Variants in PRKAR2B observed in about 807,000 individuals in gnomAD.
The protein encoded by PRKAR2B is protein kinase cAMP-dependent type II regulatory subunit beta.
A neutral mutation model predicts 49.9 loss-of-function variants in PRKAR2B; 14 were observed. The ratio of observed to expected loss-of-function variants is 0.28; its 90% confidence interval spans 0.19 to 0.44. The LOEUF (loss-of-function observed/expected upper bound fraction) is 0.44, where lower values mean the gene tolerates loss of function less well. Among genes scored for constraint, PRKAR2B ranks in the 20% least tolerant of loss-of-function variants. The pLI is 1.00. For missense variants in PRKAR2B, 393 were observed against 537.9 expected (o/e 0.73, Z 2.67); for synonymous variants, 196 against 197.7 (o/e 0.99, Z 0.07).
In PRKAR2B at chr7:107,044,966, T is replaced by C; in HGVS notation, c.59T>C (p.Val20Ala). ...CTGCTGCAGGGCTTCACGGTGGAGG[T>C]GCTGAGGCACCAGCCCGCGGACCTG... ...TELLQGFTVE[V>A]LRHQPADLLE... The change falls in exon 1 of 11, where the codon GTG becomes GCG. Residue 20 changes from valine to alanine, a missense_variant. Transcript: ENST00000265717. 6.3e-7 allele frequency: 1 copy of C among 1,588,510 alleles called. No homozygotes were observed. The highest frequency in any genetic ancestry group is 2.3e-5 in the East Asian group (1 of 43,536).
intron 2 of PRKAR2B, chr7:107,077,688 G>C (rs1226357810): frequency 6.6e-6 from 1 of 152,178 alleles, no homozygotes; most frequent in African/African-American, 2.4e-5. Context: ...GCTTCAAAAT[G>C]TTAACATCTG....
chr7:107,082,952 T>C (rs748689521), intron 2 of PRKAR2B, among the ~76,000 whole-genome samples: 5 of 152,150 alleles, frequency 3.3e-5, no homozygotes, highest in Non-Finnish European at 5.9e-5. Context: ...TTGGTGAGAC[T>C]GAAGTGTCTT....
chr7:107,092,889 G>A (rs1277117918), intron 2 of PRKAR2B, among the ~76,000 whole-genome samples: 3 of 152,062 alleles, frequency 2.0e-5, no homozygotes, highest in African/African-American at 7.2e-5. Context: ...ATTCCCTTCT[G>A]TTCCCAGCCC....
At chr7:107,103,743 G>A (rs1040162163) in intron 2 of PRKAR2B, among the ~76,000 whole-genome samples, 3 of 152,210 alleles carry the variant, frequency 2.0e-5, no homozygotes, top group Non-Finnish European at 2.9e-5. Flanking sequence ...AAGCATCCTG[G>A]CCTCCCAGCT....
chr7:107,110,405 G>A (rs1203396766), intron 2 of PRKAR2B, among the ~76,000 whole-genome samples: 3 of 152,018 alleles, frequency 2.0e-5, no homozygotes, highest in African/African-American at 7.2e-5. Context: ...GGACTGGAGA[G>A]GCACGCGAGT....
intron 8 of PRKAR2B, among the ~76,000 whole-genome samples, chr7:107,156,352 C>T (rs532724802): frequency 2.0e-5 from 3 of 152,170 alleles, no homozygotes; most frequent in South Asian, 4.2e-4. Flanking sequence ...GTGGGAGAGT[C>T]GCCTGAATCC....
intron 2 of PRKAR2B, among the ~76,000 whole-genome samples, chr7:107,090,001 T>C (rs1463282047): frequency 1.3e-5 from 2 of 152,208 alleles, no homozygotes; most frequent in African/African-American, 4.8e-5. Flanking sequence ...TGGTAACTGG[T>C]TGGATTGTCT....
chr7:107,047,534 G>GA (rs539277175), intron 1 of PRKAR2B, among the ~76,000 whole-genome samples: 3,257 of 133,606 alleles, frequency 0.024, 51 homozygotes, highest in Non-Finnish European at 0.036. Context: ...CTGGTTAGAA[G>GA]AAAAAAAAAA....
At chr7:107,057,088 C>G (rs527849374) in intron 1 of PRKAR2B, among the ~76,000 whole-genome samples, 1 of 152,226 alleles carries the variant, frequency 6.6e-6, no homozygotes, top group Non-Finnish European at 1.5e-5. Context: ...TTTGCGTTTC[C>G]TCATCATTCC....
At chr7:107,111,464 G>C (rs969576765) in intron 2 of PRKAR2B, among the ~76,000 whole-genome samples, 6 of 152,160 alleles carry the variant, frequency 3.9e-5, no homozygotes, top group South Asian at 2.1e-4. Flanking sequence ...CCCAGTGCCA[G>C]CTTCTGGTCT....
chr7:107,137,478 CTG>C (rs558147747), intron 4 of PRKAR2B, among the ~76,000 whole-genome samples: 1 of 152,164 alleles, frequency 6.6e-6, no homozygotes, highest in Non-Finnish European at 1.5e-5. Flanking sequence ...TGTTGATAAA[CTG>C]TTAGTTTGTT....
chr7:107,074,324 C>T (rs910173125), intron 2 of PRKAR2B, among the ~76,000 whole-genome samples: 5 of 151,644 alleles, frequency 3.3e-5, no homozygotes, highest in African/African-American at 1.2e-4. Flanking sequence ...GGCTGGTCTC[C>T]AACTCCTGAC....
intron 2 of PRKAR2B, among the ~76,000 whole-genome samples, chr7:107,098,719 T>TA (rs1434985201): frequency 6.6e-6 from 1 of 152,182 alleles, no homozygotes; most frequent in African/African-American, 2.4e-5. Flanking sequence ...TTCTGTTTGT[T>TA]AGTTTTCCTT....
chr7:107,068,492 G>A (rs1389407320), intron 1 of PRKAR2B: 1 of 152,014 alleles, frequency 6.6e-6, no homozygotes, highest in Non-Finnish European at 1.5e-5. Context: ...AAACTGATGG[G>A]CCTTTGTGTG....
intron 1 of PRKAR2B, among the ~76,000 whole-genome samples, chr7:107,051,654 TAAG>T (rs1398291512): frequency 2.0e-5 from 3 of 152,010 alleles, no homozygotes; most frequent in Non-Finnish European, 2.9e-5. Flanking sequence ...AACAATCAAA[TAAG>T]AAAATCAGAA....
intron 2 of PRKAR2B, among the ~76,000 whole-genome samples, chr7:107,096,340 G>A (rs186788036): frequency 1.4e-3 from 219 of 152,074 alleles, no homozygotes; most frequent in Non-Finnish European, 2.3e-3. Flanking sequence ...CTGTGGGATC[G>A]GTGGTGATAT....
rs757375582 is a variant in PRKAR2B, at chr7:107,045,024, G to A, written c.117G>A (p.Leu39=). The change falls in exon 1 of 11, where the codon CTG becomes CTA. Residue 39 remains leucine (L), a synonymous_variant. Transcript: ENST00000265717. ...TCGCGCTGCAGCACTTCACCCGCCT[G>A]CAGCAGGAGAACGAGCGCAAAGGCA... ...LEFALQHFTR[L]QQENERKGTA... is the part of the protein sequence containing the mutation. The A allele has an allele frequency of 6.4e-7, 1 of 1,551,666 alleles. No homozygotes were observed. Among genetic ancestry groups the A allele is most frequent in the Non-Finnish European group, 8.7e-7 (1 of 1,151,444 alleles).
intron 2 of PRKAR2B, among the ~76,000 whole-genome samples, chr7:107,075,389 C>T (rs1794377350): frequency 6.6e-6 from 1 of 151,398 alleles, no homozygotes; most frequent in Non-Finnish European, 1.5e-5. Context: ...GTGTAAGCCA[C>T]CACACCTGGC....
intron 2 of PRKAR2B, chr7:107,091,600 G>A (rs1584422646): frequency 6.6e-6 from 1 of 152,172 alleles, no homozygotes; most frequent in East Asian, 1.9e-4. Flanking sequence ...GCCTCCCAGA[G>A]CATGAACATT....
Sources: gnomAD v4.1 joint callset for allele counts (sites outside exome capture counted in the v4.1 genomes callset) on GRCh38, gnomAD v4.1.1 for gene constraint, MANE v1.5 for transcripts, NCBI Gene and HGNC (gene_info 2026-07-23, HGNC 2026-07-21) for gene names.